RAC2: variants seen among roughly 807,000 people sequenced by gnomAD.
RAC2 encodes the protein ras-related C3 botulinum toxin substrate 2.
A neutral mutation model predicts 24.0 loss-of-function variants in RAC2; 1 was observed. The ratio of observed to expected loss-of-function variants is 0.04; its 90% CI spans 0.01 to 0.20. The LOEUF is 0.20. Among genes scored for constraint, RAC2 ranks in the 10% least tolerant of loss-of-function variants. RAC2 has a pLI of 1.00. For synonymous variants in RAC2, 114 were observed against 106.8 expected (o/e 1.07, Z -0.41); for missense variants, 130 against 259.1 (o/e 0.50, Z 3.42).
At chr22:37,244,059 A>G (rs1927487804) in intron 1 of RAC2, 55 bp downstream of exon 1, 1 of 1,610,210 alleles carries the variant, frequency 6.2e-7, no homozygotes, top group Non-Finnish European at 8.5e-7. Flanking sequence ...CCAGGGCGGA[A>G]GGATCTCAGG....
At chr22:37,244,005 C>T (rs1927484973) in intron 1 of RAC2, 109 bp downstream of exon 1, 3 of 1,463,480 alleles carry the variant, frequency 2.0e-6, no homozygotes, top group Non-Finnish European at 2.9e-6. Flanking sequence ...AGCTGCCTTC[C>T]AGGGACGCCT....
chr22:37,244,104 A>G lies in RAC2; in HGVS notation c.35+10T>C, dbSNP rs1389224446. ...TTGGGGGCTGTGAGGAAGTCCAGCCAGGTACCTACCCATCTCCCACCACCA... is the reference window on the plus strand; with the variant it reads ...TTGGGGGCTGTGAGGAAGTCCAGCCGGGTACCTACCCATCTCCCACCACCA... On this transcript the variant is annotated intron_variant, in intron 1 of 6. Transcript: ENST00000249071. 6.2e-7 allele frequency: 1 copy of G among 1,614,182 alleles called. No individual in the cohort carries two copies. The highest frequency in any genetic ancestry group is 8.5e-7 in the Non-Finnish European group (1 of 1,179,998).
intron 5 of RAC2, among the ~76,000 whole-genome samples, chr22:37,230,172 C>T (rs1490577437): frequency 2.6e-5 from 4 of 151,688 alleles, no homozygotes; most frequent in African/African-American, 9.7e-5. Context: ...TGTGTCACCA[C>T]GCTAGTCACA....
chr22:37,239,891 A>C (rs978186899), intron 2 of RAC2, among the ~76,000 whole-genome samples: 1 of 152,128 alleles, frequency 6.6e-6, no homozygotes, highest in Non-Finnish European at 1.5e-5. Context: ...ACTTAGAGGC[A>C]CCTGATAAAC....
At chr22:37,235,603 G>A (rs1022628355) in intron 2 of RAC2, among the ~76,000 whole-genome samples, 5 of 152,216 alleles carry the variant, frequency 3.3e-5, no homozygotes, top group Non-Finnish European at 5.9e-5. Flanking sequence ...AGGTGCTGGC[G>A]TGCACCTACT....
At chr22:37,241,746 C>CTG in intron 1 of RAC2, 88 bp from the exon 2 acceptor site, 1 of 1,195,504 alleles carries the variant, frequency 8.4e-7, no homozygotes, top group Non-Finnish European at 1.2e-6. Flanking sequence ...GCAAAGACCT[C>CTG]AGCATCCACC....
chr22:37,241,045 A>G, intron 2 of RAC2: 2 of 721,584 alleles, frequency 2.8e-6, no homozygotes. Flanking sequence ...AGGGCTGGCC[A>G]GGGAGGGGCT....
In RAC2 at chr22:37,226,799, C is replaced by A. The variant is rs369270392; in HGVS notation, c.453G>T (p.Ser151=). The change falls in exon 6 of 7, where the codon TCG becomes TCT. Residue 151 remains serine (S), a synonymous_variant. Transcript: ENST00000249071. ...GAGCTGAGCACTCCAGGTATTTCACCGAGTCTGGTTGGGGAGATGGACAGG... is the reference window on the plus strand; with the variant it reads ...GAGCTGAGCACTCCAGGTATTTCACAGAGTCTGGTTGGGGAGATGGACAGG... ...QGLALAKEID[S]VKYLECSALT... 6.2e-7 allele frequency: 1 copy of A among 1,612,536 alleles called. No homozygotes were observed.
Position 37,244,110 on chromosome 22 carries a change from C to T in RAC2, c.35+4G>A. 6.2e-7 allele frequency: 1 copy of T among 1,614,224 alleles called. No individual in the cohort carries two copies. Among genetic ancestry groups the T allele is most frequent in the South Asian group, 1.1e-5 (1 of 91,086 alleles). On this transcript the variant is annotated splice_donor_region_variant and intron_variant, in intron 1 of 6. Transcript: ENST00000249071. ...GCTGTGAGGAAGTCCAGCCAGGTAC[C>T]TACCCATCTCCCACCACCACACACT...
chr22:37,232,962 C>T lies in RAC2; in HGVS notation c.108-44G>A, dbSNP rs146326950. ...GCGGAGGTAAGGTCAATCTCAAACC[C>T]CAGAACCTGGGAATTGTGGTCCAGC... On this transcript the variant is annotated intron_variant, in intron 2 of 6. Transcript: ENST00000249071. The T allele has an allele frequency of 6.5e-4, 947 of 1,450,172 alleles. 5 individuals carry two copies. The African/African-American group carries it at 0.012, about 18-fold the overall frequency. The allele number at this position is 1,450,172 out of a possible 1,614,324, so 89.8% of individuals were successfully genotyped here.
At chr22:37,238,445 G>A (rs2145829121) in intron 2 of RAC2, among the ~76,000 whole-genome samples, 1 of 152,194 alleles carries the variant, frequency 6.6e-6, no homozygotes, top group South Asian at 2.1e-4. Context: ...GCTCCATGTT[G>A]CCCAGGCTGG....
intron 2 of RAC2, 90 bp downstream of exon 2, chr22:37,241,497 T>C (rs1927389875): frequency 1.5e-6 from 2 of 1,351,818 alleles, no homozygotes; most frequent in African/African-American, 2.9e-5. Context: ...CCACACAGGG[T>C]CTGGCCCACA....
chr22:37,243,215 G>T (rs1460705452), intron 1 of RAC2, among the ~76,000 whole-genome samples: 2 of 152,104 alleles, frequency 1.3e-5, no homozygotes, highest in African/African-American at 2.4e-5. Flanking sequence ...GCTTAGGCTG[G>T]TCTCAAGCTC....
intron 5 of RAC2, among the ~76,000 whole-genome samples, chr22:37,229,863 A>C (rs1927001970): frequency 6.6e-6 from 1 of 152,184 alleles, no homozygotes; most frequent in African/African-American, 2.4e-5. Flanking sequence ...TCACACAGCC[A>C]ATCAGTATCA....
At position 37,232,954 on chromosome 22, in the gene RAC2, C is replaced by T. The variant is rs755574428; in HGVS notation, c.108-36G>A. The T allele has an allele frequency of 2.7e-6, 4 of 1,496,174 alleles. No homozygotes were observed. In the African/African-American group the frequency reaches 4.1e-5, roughly 16 times the overall value. The allele number at this position is 1,496,174 out of a possible 1,614,324, so 92.7% of individuals were successfully genotyped here. A position where few individuals can be genotyped will look rare whatever the true frequency, so the allele number is the denominator to read the frequency against. ...CAGGCAAGGCGGAGGTAAGGTCAAT[C>T]TCAAACCCCAGAACCTGGGAATTGT... On this transcript the variant is annotated intron_variant, in intron 2 of 6. Transcript: ENST00000249071.
At chr22:37,234,569 C>T (rs1234114321) in intron 2 of RAC2, among the ~76,000 whole-genome samples, 1 of 152,180 alleles carries the variant, frequency 6.6e-6, no homozygotes. Context: ...CAGGCCCTGA[C>T]CTGGTCCACT....
chr22:37,230,237 C>T (rs1205177791), intron 5 of RAC2, among the ~76,000 whole-genome samples: 5 of 145,786 alleles, frequency 3.4e-5, no homozygotes, highest in African/African-American at 5.1e-5. Flanking sequence ...TGTGAGTCCC[C>T]AGGGCCCTCC....
At chr22:37,236,878 T>C (rs1927239662) in intron 2 of RAC2, among the ~76,000 whole-genome samples, 1 of 151,998 alleles carries the variant, frequency 6.6e-6, no homozygotes, top group Non-Finnish European at 1.5e-5. Flanking sequence ...GCAGAGGTGA[T>C]GAGATCAGAT....
intron 1 of RAC2, among the ~76,000 whole-genome samples, chr22:37,243,908 T>G (rs997772492): frequency 1.3e-5 from 2 of 151,186 alleles, no homozygotes; most frequent in African/African-American, 4.9e-5. Context: ...GCTTCTGGGG[T>G]GGGGTGGGGC....
Sources: gnomAD v4.1 joint callset for allele counts (sites outside exome capture counted in the v4.1 genomes callset) on GRCh38, gnomAD v4.1.1 for gene constraint, MANE v1.5 for transcripts, NCBI Gene and HGNC (gene_info 2026-07-23, HGNC 2026-07-21) for gene names.